The following JAKMIP3 variants were observed in gnomAD, a reference collection of about 807,000 sequenced individuals.
The protein encoded by JAKMIP3 is janus kinase and microtubule-interacting protein 3.
In JAKMIP3, 58 loss-of-function variants were observed where a neutral mutation model predicts 118.5. The ratio of observed to expected loss-of-function variants is 0.49; its 90% CI spans 0.40 to 0.61. The LOEUF (loss-of-function observed/expected upper bound fraction) is 0.61, where lower values mean the gene tolerates loss of function less well. Among genes scored for constraint, JAKMIP3 ranks in the 20% least tolerant of loss-of-function variants. The pLI is 0.00. For missense variants in JAKMIP3, 950 were observed against 1,109.0 expected, an observed-to-expected ratio of 0.86 and a Z score of 2.04; for synonymous variants, 486 against 451.2, an observed-to-expected ratio of 1.08 and a Z score of -0.98.
Position 132,117,330 on chromosome 10 carries a change from A to T in JAKMIP3, c.389A>T (p.Lys130Met), listed in dbSNP as rs1309967545. Residue 130 changes from lysine (K) to methionine (M), a missense_variant, in exon 3 of 24, where the codon AAG becomes ATG. Coordinates refer to ENST00000684848, the MANE Select transcript of JAKMIP3 (RefSeq NM_001323087.2). This position sits in a 1 kb window ranked among gnomAD's most constrained non-coding sequence, Gnocchi z 8.6. Reference sequence around the variant, plus strand: ...GCCCTGCGTGATGGCGGCCCCGAAAAGGTCAAGACCGTGCTGCTGTCCGAG... The same window carrying T: ...GCCCTGCGTGATGGCGGCCCCGAAATGGTCAAGACCGTGCTGCTGTCCGAG... ...LSALRDGGPE[K>M]VKTVLLSEAK... 2 of 1,613,854 alleles carry T rather than the reference A, an allele frequency of 1.2e-6. No individual in the cohort carries two copies. Among genetic ancestry groups the T allele is most frequent in the African/African-American group, 2.7e-5 (2 of 74,928 alleles).
At chr10:132,159,344 G>C (rs1237903451) in intron 19 of JAKMIP3, among the ~76,000 whole-genome samples, 10 of 120,168 alleles carry the variant, frequency 8.3e-5, no homozygotes, top group Non-Finnish European at 7.0e-5. Context: ...GTGTGATGCT[G>C]AGGGGGCCTC....
chr10:132,074,896 G>T (rs1370027184), intron 1 of JAKMIP3, among the ~76,000 whole-genome samples: 2 of 152,104 alleles, frequency 1.3e-5, no homozygotes, highest in African/African-American at 2.4e-5. Context: ...TCTGAATTAT[G>T]GCTATCCATT....
chr10:132,050,949 C>T (rs1453759379), intron 1 of JAKMIP3, among the ~76,000 whole-genome samples: 1 of 149,580 alleles, frequency 6.7e-6, no homozygotes, highest in Non-Finnish European at 1.5e-5. Flanking sequence ...GAGTGGGTAC[C>T]TGCCTGTCTT....
At position 132,175,458 on chromosome 10, in the gene JAKMIP3, A is replaced by C. The variant is rs536151836; in HGVS notation, c.*1103+6425A>C. 7.9e-5 allele frequency among the ~76,000 whole-genome samples: 12 copies of C among 152,216 alleles called. No individual in the cohort carries two copies. The South Asian group carries it at 2.5e-3, about 32-fold the overall frequency. On this transcript the variant is annotated intron_variant, in intron 23 of 23. Transcript: ENST00000684848. ...GGGGTGTCCACCTTACTCTGCCACC[A>C]CAAGATGGGAAAGCAGGGATGCTGG...
chr10:132,048,338 C>T (rs1028067518), intron 1 of JAKMIP3, among the ~76,000 whole-genome samples: 1 of 152,148 alleles, frequency 6.6e-6, no homozygotes. Context: ...GCCTTGGCAC[C>T]GGGTGCTCTC....
Position 132,184,381 on chromosome 10 carries a change from C to T in JAKMIP3, c.*3128C>T, listed in dbSNP as rs977348390. On this transcript the variant is annotated 3_prime_UTR_variant, in exon 24 of 24. Coordinates refer to ENST00000684848, the MANE Select transcript of JAKMIP3 (RefSeq NM_001323087.2). ...GGGTTTGGAGGCACTGACGCATTCGCCAACTCACCGTCATCCCATCCTTGA... is the reference window on the plus strand; with the variant it reads ...GGGTTTGGAGGCACTGACGCATTCGTCAACTCACCGTCATCCCATCCTTGA... 4.6e-5 allele frequency: 7 copies of T among 152,210 alleles called. No individual in the cohort carries two copies. Among genetic ancestry groups the T allele is most frequent in the Non-Finnish European group, 1.0e-4 (7 of 68,040 alleles). 9.4% of individuals were successfully genotyped at this position (152,210 alleles called of 1,614,324 possible). A position where few individuals can be genotyped will look rare whatever the true frequency, so the allele number is the denominator to read the frequency against.
intron 13 of JAKMIP3, 22 bp downstream of exon 13, chr10:132,145,602 G>A: frequency 6.4e-7 from 1 of 1,552,518 alleles, no homozygotes; most frequent in South Asian, 1.2e-5. Flanking sequence ...ACCCCTGGAG[G>A]CCCTGGCAGG....
At chr10:132,173,449 A>G (rs895789691) in intron 23 of JAKMIP3, among the ~76,000 whole-genome samples, 3 of 151,604 alleles carry the variant, frequency 2.0e-5, no homozygotes, top group African/African-American at 7.3e-5. Flanking sequence ...ACCCTGTAGG[A>G]AACAGATGCC....
intron 1 of JAKMIP3, among the ~76,000 whole-genome samples, chr10:132,101,601 C>T (rs1169277322): frequency 6.6e-6 from 1 of 152,204 alleles, no homozygotes; most frequent in Admixed American, 6.5e-5. Flanking sequence ...TGCCCTATGA[C>T]AGCCAGATGG....
chr10:132,136,120 C>G (rs754682757), intron 6 of JAKMIP3, 44 bp downstream of exon 6: 1 of 1,599,768 alleles, frequency 6.3e-7, no homozygotes, highest in Non-Finnish European at 8.5e-7. Flanking sequence ...CGCACCCGAG[C>G]TCCAGGCAGC....
chr10:132,173,701 G>C (rs2059851666), intron 23 of JAKMIP3, among the ~76,000 whole-genome samples: 1 of 130,036 alleles, frequency 7.7e-6, no homozygotes, highest in African/African-American at 2.7e-5. Flanking sequence ...GTGGTGGCCT[G>C]TGGTATGTTC....
At chr10:132,180,588 T>TGTGTGC (rs2060818761) in intron 23 of JAKMIP3, among the ~76,000 whole-genome samples, 1 of 28,014 alleles carries the variant, frequency 3.6e-5, no homozygotes, top group African/African-American at 2.4e-4. Context: ...TGCGTGCGCG[T>TGTGTGC]GTGTGTGTGC....
At chr10:132,134,366 C>T (rs1397817856) in intron 4 of JAKMIP3, among the ~76,000 whole-genome samples, 3 of 152,230 alleles carry the variant, frequency 2.0e-5, no homozygotes, top group Admixed American at 6.5e-5. Context: ...TTTAAGATCT[C>T]ATTCAGACAG....
rs570732531 is a variant in JAKMIP3, at chr10:132,165,246, G to A, written c.2490+511G>A. On this transcript the variant is annotated intron_variant, in intron 21 of 23. Transcript: ENST00000684848. ...TCTCGGGGTCCCAGCTCCGTGAGGT[G>A]TGGGGTCAGGGCTGCTCTGTCCATG... Among the ~76,000 whole-genome samples, 55 of 152,350 alleles carry A rather than the reference G, an allele frequency of 3.6e-4. 1 individual carries two copies. The South Asian group carries it at 0.011, about 32-fold the overall frequency.
At chr10:132,045,574 T>C (rs1231371196) in intron 1 of JAKMIP3, among the ~76,000 whole-genome samples, 2 of 152,118 alleles carry the variant, frequency 1.3e-5, no homozygotes, top group Non-Finnish European at 2.9e-5. Flanking sequence ...TGTACTGAGG[T>C]CTGCAGCTCA....
chr10:132,163,090 T>G, intron 19 of JAKMIP3, 119 bp from the exon 20 acceptor site: 1 of 961,276 alleles, frequency 1.0e-6, no homozygotes, highest in Non-Finnish European at 1.5e-6. Context: ...GGTCCCTCCC[T>G]GTTGCATATC....
chr10:132,107,066 TA>T (rs34932956), intron 2 of JAKMIP3, among the ~76,000 whole-genome samples: 10 of 86,278 alleles, frequency 1.2e-4, no homozygotes, highest in African/African-American at 4.3e-4. Flanking sequence ...TTTTTTTTTT[TA>T]ACTTTTTTGT....
intron 4 of JAKMIP3, among the ~76,000 whole-genome samples, chr10:132,133,903 C>T (rs1201300181): frequency 2.6e-5 from 4 of 152,258 alleles, no homozygotes; most frequent in Admixed American, 1.3e-4. Flanking sequence ...AAGCACACGG[C>T]CTCTGCCTCT....
intron 23 of JAKMIP3, among the ~76,000 whole-genome samples, chr10:132,180,048 G>GC (rs1242863420): frequency 2.6e-5 from 4 of 152,116 alleles, no homozygotes; most frequent in Admixed American, 2.0e-4. Context: ...TCAGTTGTGC[G>GC]CCCCCCACCC....
Sources: gnomAD v4.1 joint callset for allele counts (sites outside exome capture counted in the v4.1 genomes callset) on GRCh38, gnomAD v4.1.1 for gene constraint, Gnocchi (gnomAD v3.1) non-coding constraint, MANE v1.5 for transcripts, NCBI Gene and HGNC (gene_info 2026-07-23, HGNC 2026-07-21) for gene names.